Variants in CHLSN observed in about 807,000 individuals in gnomAD.
CHLSN encodes cholesin.
the CHLSN span, among the ~76,000 whole-genome samples, chr7:1,022,198 G>C: frequency 6.6e-6 from 1 of 152,206 alleles, no homozygotes; most frequent in Non-Finnish European, 1.5e-5. Flanking sequence ...CCAGAAGCCT[G>C]GCCCCGTCCC....
At chr7:1,008,836 TAC>T in the CHLSN span, among the ~76,000 whole-genome samples, 2 of 107,782 alleles carry the variant, frequency 1.9e-5, no homozygotes, top group African/African-American at 7.7e-5. Flanking sequence ...ACAACGTGTA[TAC>T]ACACGCACAC....
chr7:1,012,144 G>C, the CHLSN span, among the ~76,000 whole-genome samples: 357 of 152,390 alleles, frequency 2.3e-3, 1 homozygote, highest in Admixed American at 5.4e-3. Context: ...CACTCCATGG[G>C]CCACGCAGTC....
At chr7:1,022,120 C>T in the CHLSN span, among the ~76,000 whole-genome samples, 2 of 152,236 alleles carry the variant, frequency 1.3e-5, no homozygotes, top group Non-Finnish European at 2.9e-5. Flanking sequence ...AGTCTGCTCG[C>T]AGACCACCAG....
chr7:987,141 A>G, the CHLSN span: 1 of 1,573,722 alleles, frequency 6.4e-7, no homozygotes. Context: ...GCTGAGGCCA[A>G]CGCGGTGGCC....
chr7:986,924 C>T, the CHLSN span: 13 of 1,319,032 alleles, frequency 9.9e-6, no homozygotes, highest in South Asian at 1.4e-4. Context: ...CTGGGGGCCT[C>T]TCAGAGCCTC....
At chr7:1,013,799 G>A in the CHLSN span, among the ~76,000 whole-genome samples, 1 of 152,172 alleles carries the variant, frequency 6.6e-6, no homozygotes, top group African/African-American at 2.4e-5. Flanking sequence ...TCAATGCTAG[G>A]ACAGTCTTCA....
At chr7:1,092,983 CT>C in the CHLSN span, 2 of 891,340 alleles carry the variant, frequency 2.2e-6, no homozygotes, top group Non-Finnish European at 3.7e-6. Flanking sequence ...TCCTCGGGGC[CT>C]CGCGAGGGTC....
At chr7:980,733 G>T in the CHLSN span, among the ~76,000 whole-genome samples, 12 of 146,484 alleles carry the variant, frequency 8.2e-5, no homozygotes, top group African/African-American at 2.6e-4. Flanking sequence ...TGTTGCCCAG[G>T]CTGGAGTGCA....
chr7:1,000,184 G>A, the CHLSN span, among the ~76,000 whole-genome samples: 1 of 152,194 alleles, frequency 6.6e-6, no homozygotes, highest in East Asian at 1.9e-4. Context: ...GGGCCCTGAG[G>A]GCGGCCCCTT....
chr7:1,091,240 C>T, the CHLSN span, among the ~76,000 whole-genome samples: 2 of 152,192 alleles, frequency 1.3e-5, no homozygotes, highest in African/African-American at 4.8e-5. Flanking sequence ...ACTCTTCCAC[C>T]TCAGCTCAAC....
the CHLSN span, among the ~76,000 whole-genome samples, chr7:1,120,448 T>C: frequency 1.3e-5 from 2 of 152,184 alleles, no homozygotes; most frequent in Non-Finnish European, 2.9e-5. Context: ...CACGCCACCA[T>C]GCCTGGCCAA....
At chr7:988,617 C>T in the CHLSN span, 13 of 1,603,728 alleles carry the variant, frequency 8.1e-6, no homozygotes, top group Non-Finnish European at 1.0e-5. Context: ...CCACTCTGTG[C>T]CTGGACATCC....
chr7:1,047,862 C>T, the CHLSN span, among the ~76,000 whole-genome samples: 43 of 152,308 alleles, frequency 2.8e-4, no homozygotes, highest in South Asian at 3.9e-3. Flanking sequence ...TTGGATCACT[C>T]GCCTTGGTGG....
the CHLSN span, among the ~76,000 whole-genome samples, chr7:1,057,073 G>C: frequency 1.3e-5 from 2 of 152,124 alleles, no homozygotes; most frequent in Non-Finnish European, 2.9e-5. Context: ...GGAGGCTCAG[G>C]GCTGACCGTC....
the CHLSN span, chr7:997,612 C>T: frequency 1.3e-5 from 21 of 1,563,652 alleles, no homozygotes; most frequent in South Asian, 8.1e-5. Context: ...GGCCCCGCCC[C>T]GCGCTGAACC....
At chr7:1,120,656 C>A in the CHLSN span, among the ~76,000 whole-genome samples, 1 of 152,186 alleles carries the variant, frequency 6.6e-6, no homozygotes, top group African/African-American at 2.4e-5. Flanking sequence ...GTCCTCGGAA[C>A]GAAAGCATAG....
chr7:1,106,232 G>A, the CHLSN span, among the ~76,000 whole-genome samples: 33,311 of 152,034 alleles, frequency 0.22, 4,009 homozygotes, highest in African/African-American at 0.29. Flanking sequence ...CTCCACATGC[G>A]GATGCCACCA....
At chr7:997,678 G>A in the CHLSN span, 1 of 1,610,470 alleles carries the variant, frequency 6.2e-7, no homozygotes, top group Non-Finnish European at 8.5e-7. Flanking sequence ...CCCGGCAGGG[G>A]GGGATCAGAG....
the CHLSN span, among the ~76,000 whole-genome samples, chr7:1,070,866 G>C: frequency 2.2e-5 from 3 of 135,640 alleles, no homozygotes. Flanking sequence ...ATGCACACGG[G>C]TGCGCACACG....
Sources: gnomAD v4.1 joint callset for allele counts (sites outside exome capture counted in the v4.1 genomes callset) on GRCh38, gnomAD v4.1.1 for gene constraint, MANE v1.5 for transcripts, NCBI Gene and HGNC (gene_info 2026-07-23, HGNC 2026-07-21) for gene names.